ZNF385D: variants seen among roughly 807,000 people sequenced by gnomAD.
ZNF385D encodes zinc finger protein 659.
Under a neutral mutation model 35.8 loss-of-function variants are expected in ZNF385D, and 15 were observed. That is an observed-to-expected ratio of 0.42 (90% confidence interval 0.28 to 0.64). ZNF385D has a LOEUF of 0.64. Ranked by LOEUF, ZNF385D falls within the 30% of genes least tolerant of loss-of-function variation. The pLI is 0.23. For synonymous variants in ZNF385D, 212 were observed against 186.8 expected, an observed-to-expected ratio of 1.13 and a Z score of -1.10; for missense variants, 474 against 494.6, an observed-to-expected ratio of 0.96 and a Z score of 0.39.
At chr3:22,211,851 C>T (rs1398819879) in intron 2 of ZNF385D, among the ~76,000 whole-genome samples, 1 of 151,928 alleles carries the variant, frequency 6.6e-6, no homozygotes. Flanking sequence ...TAAATTCCTT[C>T]GTCTTCCTTT....
chr3:21,444,992 A>C (rs959076987), intron 4 of ZNF385D, among the ~76,000 whole-genome samples: 8 of 152,268 alleles, frequency 5.3e-5, no homozygotes, highest in African/African-American at 1.7e-4. Flanking sequence ...GGGGCAGGAA[A>C]GTTGGACCAT....
chr3:22,169,280 T>A (rs763671308), intron 2 of ZNF385D, among the ~76,000 whole-genome samples: 3 of 152,232 alleles, frequency 2.0e-5, no homozygotes, highest in Non-Finnish European at 4.4e-5. Flanking sequence ...TATTACTTCA[T>A]TTAATTATCA....
intron 3 of ZNF385D, among the ~76,000 whole-genome samples, chr3:22,024,288 T>C (rs1434114811): frequency 1.3e-5 from 2 of 152,158 alleles, no homozygotes; most frequent in African/African-American, 4.8e-5. Flanking sequence ...TCGTGTAAGT[T>C]AATACTTAAT....
chr3:21,825,992 G>A (rs1694592630), intron 3 of ZNF385D, among the ~76,000 whole-genome samples: 1 of 152,156 alleles, frequency 6.6e-6, no homozygotes. Flanking sequence ...AGAATCTAAT[G>A]CCTGATGATT....
chr3:21,857,412 A>G (rs572182464), intron 3 of ZNF385D, among the ~76,000 whole-genome samples: 175 of 152,122 alleles, frequency 1.2e-3, no homozygotes, highest in African/African-American at 3.8e-3. Context: ...ACATAACTCT[A>G]TTTAAGTAGT....
chr3:22,141,222 T>A (rs1418891789), intron 3 of ZNF385D, among the ~76,000 whole-genome samples: 1 of 152,062 alleles, frequency 6.6e-6, no homozygotes, highest in African/African-American at 2.4e-5. Flanking sequence ...ACAATAAAGA[T>A]TTACCAATTC....
At chr3:21,667,658 G>T (rs538822529) in intron 1 of ZNF385D, among the ~76,000 whole-genome samples, 1 of 152,172 alleles carries the variant, frequency 6.6e-6, no homozygotes, top group East Asian at 1.9e-4. Context: ...ATAATTACAA[G>T]AATGCAATTT....
In ZNF385D at chr3:21,697,021, A is replaced by G. The variant is rs114323932; in HGVS notation, c.23-31993T>C. Among the ~76,000 whole-genome samples, 486 of 152,312 alleles carry G rather than the reference A, an allele frequency of 3.2e-3. 2 individuals carry two copies. Among genetic ancestry groups the G allele is most frequent in the African/African-American group, 0.011 (471 of 41,574 alleles). On this transcript the variant is annotated intron_variant, in intron 1 of 7. Transcript: ENST00000281523. ...ATCATTCTCATCAGTGTGTTTGCATATTGTTTAATTCAGCAGAAGAGCTTA... is the reference window on the plus strand; with the variant it reads ...ATCATTCTCATCAGTGTGTTTGCATGTTGTTTAATTCAGCAGAAGAGCTTA...
intron 3 of ZNF385D, among the ~76,000 whole-genome samples, chr3:21,966,722 C>T (rs1022685575): frequency 6.6e-6 from 1 of 152,194 alleles, no homozygotes; most frequent in African/African-American, 2.4e-5. Flanking sequence ...GCTGGGATTA[C>T]AGGCACGCAC....
In ZNF385D at chr3:21,974,768, G is replaced by C. The variant is rs189659616; in HGVS notation, c.325+194049C>G. On this transcript the variant is annotated intron_variant, in intron 3 of 5. Transcript: ENST00000494108. ...TTTAAAATGGCAAAAGATCTAAGTA[G>C]ACGTTTCTCAAAAGAAGGCACGCAA... Among the ~76,000 whole-genome samples, 36 of 152,188 alleles carry C rather than the reference G, an allele frequency of 2.4e-4. No individual in the cohort carries two copies. In the East Asian group the frequency reaches 6.6e-3, roughly 28 times the overall value.
intron 2 of ZNF385D, among the ~76,000 whole-genome samples, chr3:22,333,077 C>A (rs1452832536): frequency 6.6e-6 from 1 of 152,016 alleles, no homozygotes; most frequent in Non-Finnish European, 1.5e-5. Context: ...TTTTGTTGGA[C>A]ATGGAATTCT....
chr3:22,211,439 G>C lies in ZNF385D; in HGVS notation c.107-42404C>G, dbSNP rs77910527. 2.2e-3 allele frequency among the ~76,000 whole-genome samples: 342 copies of C among 152,024 alleles called. 1 individual carries two copies. The highest frequency in any genetic ancestry group is 7.8e-3 in the African/African-American group (325 of 41,530). On this transcript the variant is annotated intron_variant, in intron 2 of 5. Transcript: ENST00000494108. ...ACTGCAGAGGTCACAGATCTCATTT[G>C]TGTTATGTGTGGTTAGCTGGTCCGA...
At chr3:21,835,869 T>C (rs2673529) in intron 3 of ZNF385D, among the ~76,000 whole-genome samples, 135,604 of 152,072 alleles carry the variant, frequency 0.89, 60,709 homozygotes, top group African/African-American at 0.96. Context: ...TATTCCATAA[T>C]CCCTCATTTG....
At chr3:22,319,588 T>A (rs1402709197) in intron 2 of ZNF385D, among the ~76,000 whole-genome samples, 2 of 152,164 alleles carry the variant, frequency 1.3e-5, no homozygotes, top group African/African-American at 4.8e-5. Context: ...GAGCTAGCAA[T>A]AGCAGGGTCC....
At chr3:22,220,670 G>A (rs1186663531) in intron 2 of ZNF385D, among the ~76,000 whole-genome samples, 1 of 152,044 alleles carries the variant, frequency 6.6e-6, no homozygotes, top group Non-Finnish European at 1.5e-5. Flanking sequence ...AAACACTTCT[G>A]TATGAAATTT....
At chr3:22,139,574 A>G (rs1334490628) in intron 3 of ZNF385D, among the ~76,000 whole-genome samples, 2 of 145,850 alleles carry the variant, frequency 1.4e-5, no homozygotes, top group East Asian at 2.2e-4. Context: ...ATGAGAACAC[A>G]TGGACACAGG....
chr3:22,121,312 C>T (rs945108988), intron 3 of ZNF385D, among the ~76,000 whole-genome samples: 1 of 152,186 alleles, frequency 6.6e-6, no homozygotes, highest in African/African-American at 2.4e-5. Flanking sequence ...GAAACCGTTT[C>T]CCTTCATTTC....
At chr3:22,060,288 G>A (rs779162) in intron 3 of ZNF385D, among the ~76,000 whole-genome samples, 80,536 of 151,898 alleles carry the variant, frequency 0.53, 21,322 homozygotes, top group East Asian at 0.65. Flanking sequence ...GTGTATCTCT[G>A]TATACCCTAT....
chr3:22,358,642 A>T (rs181157493), intron 2 of ZNF385D, among the ~76,000 whole-genome samples: 1 of 151,890 alleles, frequency 6.6e-6, no homozygotes. Flanking sequence ...GTAAATAGAG[A>T]TGTGACTTGT....
Sources: gnomAD v4.1 joint callset for allele counts (sites outside exome capture counted in the v4.1 genomes callset) on GRCh38, gnomAD v4.1.1 for gene constraint, MANE v1.5 for transcripts, NCBI Gene and HGNC (gene_info 2026-07-23, HGNC 2026-07-21) for gene names.